PARG: variants seen among roughly 807,000 people sequenced by gnomAD.
The protein encoded by PARG is mitochondrial poly(ADP-ribose) glycohydrolase.
PARG carries 35 observed loss-of-function variants against 113.0 expected under a neutral mutation model. That is an observed-to-expected ratio of 0.31 (90% CI 0.24 to 0.41). The LOEUF (loss-of-function observed/expected upper bound fraction) is 0.41, where lower values mean the gene tolerates loss of function less well. Among genes scored for constraint, PARG ranks in the 10% least tolerant of loss-of-function variants. The pLI is 1.00. For synonymous variants in PARG, 330 were observed against 409.9 expected (o/e 0.81, Z 2.36); for missense variants, 797 against 1,169.4 (o/e 0.68, Z 4.64).
intron 7 of PARG, among the ~76,000 whole-genome samples, chr10:49,898,699 G>A (rs1373660869): frequency 6.6e-6 from 1 of 151,898 alleles, no homozygotes; most frequent in African/African-American, 2.4e-5. Flanking sequence ...CTACATACTA[G>A]AAACTCAGAA....
At chr10:49,939,809 G>A (rs2133012660) in intron 1 of PARG, among the ~76,000 whole-genome samples, 1 of 152,298 alleles carries the variant, frequency 6.6e-6, no homozygotes, top group African/African-American at 2.4e-5. Flanking sequence ...TCAAGGCCTA[G>A]TGCAAGTCTA....
intron 4 of PARG, among the ~76,000 whole-genome samples, chr10:49,930,118 G>T (rs1554909579): frequency 1.9e-4 from 29 of 152,292 alleles, no homozygotes; most frequent in African/African-American, 6.5e-4. Context: ...TTGGCTCTGT[G>T]GTCTGCACAA....
chr10:49,935,231 C>T, intron 1 of PARG, 89 bp from the exon 2 acceptor site: 2 of 609,042 alleles, frequency 3.3e-6, no homozygotes, highest in East Asian at 2.9e-5. Context: ...CTAGGTTCTA[C>T]AGGTTAAACA....
At chr10:49,877,289 T>C (rs1190380161) in intron 9 of PARG, among the ~76,000 whole-genome samples, 1 of 149,318 alleles carries the variant, frequency 6.7e-6, no homozygotes, top group Admixed American at 6.7e-5. Context: ...AGTAAAACAT[T>C]CTCCAATTTT....
chr10:49,832,790 TACA>T lies in PARG; in HGVS notation c.2647+10_2647+12del. 1 of 1,478,392 alleles carries T rather than the reference TACA, an allele frequency of 6.8e-7. No homozygotes were observed. The highest frequency in any genetic ancestry group is 2.5e-5 in the East Asian group (1 of 40,360). 91.6% of individuals were successfully genotyped at this position (1,478,392 alleles called of 1,614,324 possible). ...TGGGCAGAATGCTTTTATCCTTTTC[TACA>T]ACAACTTACCTTTTAACCTGGCATC... On this transcript the variant is annotated intron_variant, in intron 16 of 17. Transcript: ENST00000616448.
intron 7 of PARG, among the ~76,000 whole-genome samples, chr10:49,912,821 A>G (rs1369073563): frequency 6.6e-6 from 1 of 152,102 alleles, no homozygotes; most frequent in Non-Finnish European, 1.5e-5. Flanking sequence ...ACAAAAAACT[A>G]GCCAGGTGTG....
intron 7 of PARG, among the ~76,000 whole-genome samples, chr10:49,895,815 A>G (rs1848056694): frequency 6.6e-6 from 1 of 152,096 alleles, no homozygotes; most frequent in Non-Finnish European, 1.5e-5. Context: ...GGTCTTCAAG[A>G]TACTGGTCTT....
intron 7 of PARG, among the ~76,000 whole-genome samples, chr10:49,897,869 G>A (rs1174007924): frequency 6.6e-6 from 1 of 152,156 alleles, no homozygotes; most frequent in Non-Finnish European, 1.5e-5. Flanking sequence ...GCCCACACCT[G>A]TAGTCCCAGC....
intron 4 of PARG, among the ~76,000 whole-genome samples, chr10:49,925,291 A>AAT (rs1554850292): frequency 6.6e-6 from 1 of 152,064 alleles, no homozygotes; most frequent in Admixed American, 6.6e-5. Context: ...CCTGTTACCT[A>AAT]CAAGCATCAA....
intron 11 of PARG, among the ~76,000 whole-genome samples, 180 bp from the exon 12 acceptor site, chr10:49,861,843 A>AT (rs1382496984): frequency 6.6e-5 from 10 of 150,406 alleles, no homozygotes; most frequent in African/African-American, 2.5e-4. Flanking sequence ...AAACATGTAA[A>AT]TATACATATT....
chr10:49,922,565 C>T lies in PARG; in HGVS notation c.1560G>A (p.Leu520=), dbSNP rs782024359. 1 of 1,611,138 alleles carries T rather than the reference C, an allele frequency of 6.2e-7. No homozygotes were observed. Among genetic ancestry groups the T allele is most frequent in the Non-Finnish European group, 8.5e-7 (1 of 1,179,542 alleles). The change falls in exon 5 of 18, where the codon TTG becomes TTA. Residue 520 remains leucine, a synonymous_variant. Coordinates refer to ENST00000616448, the MANE Select transcript of PARG (RefSeq NM_003631.5). ...TTCTTACCTCATCTTCCACTGGGTA[C>T]AAATTTTGTTCTGAACAAGGCATTT... ...HVKMPCSEQN[L]YPVEDENGER... is the part of the protein sequence containing the mutation.
rs1177910327 is a variant in PARG at position 49,818,344 on chromosome 10, A to G, written c.*996T>C. The G allele has an allele frequency of 1.3e-5, 2 of 152,750 alleles. No individual in the cohort carries two copies. Among genetic ancestry groups the G allele is most frequent in the East Asian group, 1.9e-4 (1 of 5,194 alleles). 9.5% of individuals were successfully genotyped at this position (152,750 alleles called of 1,614,324 possible). On this transcript the variant is annotated 3_prime_UTR_variant, in exon 18 of 18. Coordinates refer to ENST00000616448, the MANE Select transcript of PARG (RefSeq NM_003631.5). ...TCACATATAGACACACTTAAAGAGC[A>G]TACGTTTATATATACATATATAAAA...
chr10:49,823,852 A>T (rs1844225821), intron 16 of PARG, among the ~76,000 whole-genome samples: 1 of 152,212 alleles, frequency 6.6e-6, no homozygotes, highest in African/African-American at 2.4e-5. Context: ...TTATCTCTTT[A>T]TAGAATTTAT....
At chr10:49,915,493 C>T (rs546218819) in intron 7 of PARG, among the ~76,000 whole-genome samples, 36 of 151,928 alleles carry the variant, frequency 2.4e-4, no homozygotes, top group Admixed American at 2.2e-3. Context: ...TGTTTTGTGC[C>T]CTTTGACTTA....
At chr10:49,931,548 C>T (rs1246641220) in intron 4 of PARG, among the ~76,000 whole-genome samples, 3 of 152,028 alleles carry the variant, frequency 2.0e-5, no homozygotes, top group Non-Finnish European at 4.4e-5. Flanking sequence ...ACAGCTTCAG[C>T]TTCCCATTAT....
At position 49,818,758 on chromosome 10, in the gene PARG, A is replaced by T. The variant is rs1477398307; in HGVS notation, c.*582T>A. The T allele has an allele frequency of 6.6e-6, 1 of 152,222 alleles. No individual in the cohort carries two copies. The allele number at this position is 152,222 out of a possible 1,614,324, so 9.4% of individuals were successfully genotyped here. On this transcript the variant is annotated 3_prime_UTR_variant, in exon 18 of 18. Transcript: ENST00000616448. ...ATACCTCAAAAGTACAATTTCTGGA[A>T]ATTATTCTATCTTAAATAAAGAAAC...
intron 13 of PARG, among the ~76,000 whole-genome samples, chr10:49,854,722 T>C (rs1279828276): frequency 2.9e-5 from 4 of 136,130 alleles, no homozygotes; most frequent in Non-Finnish European, 6.4e-5. Context: ...TTGAGACTTA[T>C]TAGTTTCAGG....
At chr10:49,896,566 T>C (rs1284572608) in intron 7 of PARG, among the ~76,000 whole-genome samples, 19 of 152,200 alleles carry the variant, frequency 1.2e-4, no homozygotes, top group Non-Finnish European at 2.2e-4. Flanking sequence ...ATTACAGGCA[T>C]GAGCCATCAC....
intron 11 of PARG, among the ~76,000 whole-genome samples, chr10:49,862,921 G>A (rs1554836219): frequency 6.8e-6 from 1 of 148,112 alleles, no homozygotes; most frequent in Non-Finnish European, 1.5e-5. Context: ...AGATAAAGAA[G>A]CATAATCTAA....
Sources: allele counts gnomAD v4.1 joint callset (sites outside exome capture counted in the v4.1 genomes callset), GRCh38; gene constraint gnomAD v4.1.1; transcripts MANE v1.5; gene names NCBI Gene and HGNC (gene_info 2026-07-23, HGNC 2026-07-21).